Variants in FRAS1 observed in about 807,000 individuals in gnomAD.
The protein encoded by FRAS1 is Fraser extracellular matrix complex subunit 1.
In FRAS1, 290 loss-of-function variants were observed where a neutral mutation model predicts 435.2. The ratio of observed to expected loss-of-function variants is 0.67; its 90% CI spans 0.61 to 0.73. The LOEUF (loss-of-function observed/expected upper bound fraction) is 0.73, where lower values mean the gene tolerates loss of function less well. FRAS1 is among the 30% of genes least tolerant of loss of function. The pLI, the probability that FRAS1 is intolerant of heterozygous loss-of-function variation, is 0.00. For missense variants in FRAS1, 4,860 were observed against 5,001.5 expected (o/e 0.97, Z 0.85); for synonymous variants, 1,800 against 1,851.0 (o/e 0.97, Z 0.71).
At position 78,342,581 on chromosome 4, in the gene FRAS1, A is replaced by G. The variant is rs1016071194; in HGVS notation, c.2422+4764A>G. 2.0e-5 allele frequency among the ~76,000 whole-genome samples: 3 copies of G among 152,326 alleles called. No homozygotes were observed. The East Asian group carries it at 5.8e-4, about 29-fold the overall frequency. ...TTTTTTTTGCCCACATCTCAACAACATTAACAGAAAACTCCAAAGCCTGAG... is the reference window on the plus strand; with the variant it reads ...TTTTTTTTGCCCACATCTCAACAACGTTAACAGAAAACTCCAAAGCCTGAG... On this transcript the variant is annotated intron_variant, in intron 20 of 73. Transcript: ENST00000512123.
chr4:78,523,391 C>T (rs373869674), intron 69 of FRAS1, among the ~76,000 whole-genome samples: 145 of 152,144 alleles, frequency 9.5e-4, no homozygotes, highest in African/African-American at 3.3e-3. Context: ...GCCCATGTGT[C>T]GTTTACAAGA....
intron 11 of FRAS1, 49 bp from the exon 12 acceptor site, chr4:78,282,771 T>G (rs1727390620): frequency 6.2e-7 from 1 of 1,603,204 alleles, no homozygotes; most frequent in Admixed American, 1.7e-5. Flanking sequence ...AGCTCTCTTC[T>G]GAATTACTGC....
intron 47 of FRAS1, 80 bp downstream of exon 47, chr4:78,452,434 G>A: frequency 9.3e-7 from 1 of 1,075,016 alleles, no homozygotes; most frequent in Non-Finnish European, 1.3e-6. Context: ...CATGTATCAT[G>A]TATACCTAGA....
chr4:78,146,223 T>C (rs1226254911), intron 2 of FRAS1, among the ~76,000 whole-genome samples: 1 of 152,180 alleles, frequency 6.6e-6, no homozygotes, highest in Non-Finnish European at 1.5e-5. Flanking sequence ...AGCAGTCCCC[T>C]ATACAAGTTC....
intron 2 of FRAS1, among the ~76,000 whole-genome samples, chr4:78,139,540 C>A (rs974100029): frequency 5.9e-5 from 9 of 152,112 alleles, no homozygotes; most frequent in Non-Finnish European, 1.2e-4. Flanking sequence ...CCGGTTTACC[C>A]TTTTCTCTCT....
At chr4:78,321,327 C>T (rs760019150) in intron 18 of FRAS1, among the ~76,000 whole-genome samples, 1 of 152,102 alleles carries the variant, frequency 6.6e-6, no homozygotes, top group African/African-American at 2.4e-5. Flanking sequence ...AGTAGAATCC[C>T]GTGGGAATCT....
At position 78,432,483 on chromosome 4, in the gene FRAS1, T is replaced by G; in HGVS notation, c.5096T>G (p.Val1699Gly). ...TDGLTVTMLEVRVEVSLSEDR... is the reference protein window; with the variant it reads ...TDGLTVTMLEGRVEVSLSEDR... The stretch of plus-strand genomic sequence containing the variant: ...GGCCTCACAGTGACAATGCTGGAGG[T>G]GAGAGTAGAGGTGTCCCTGTCAGAA... Residue 1699 changes from valine (V) to glycine (G), a missense_variant, in exon 38 of 74, where the codon GTG becomes GGG. Transcript: ENST00000512123. The G allele has an allele frequency of 6.2e-7, 1 of 1,613,096 alleles. No homozygotes were observed. Among genetic ancestry groups the G allele is most frequent in the Admixed American group, 1.7e-5 (1 of 59,896 alleles).
intron 4 of FRAS1, among the ~76,000 whole-genome samples, 200 bp downstream of exon 4, chr4:78,245,525 A>G (rs1725198497): frequency 6.6e-6 from 1 of 152,156 alleles, no homozygotes. Flanking sequence ...AAATATTTGT[A>G]GATTGAATTT....
At position 78,265,010 on chromosome 4, in the gene FRAS1, G is replaced by T. The variant is rs752022961; in HGVS notation, c.604-15G>T. The T allele has an allele frequency of 5.3e-6, 8 of 1,518,652 alleles. No individual in the cohort carries two copies. The highest frequency in any genetic ancestry group is 7.3e-6 in the Non-Finnish European group (8 of 1,093,950). 94.1% of individuals were successfully genotyped at this position (1,518,652 alleles called of 1,614,324 possible). On this transcript the variant is annotated splice_polypyrimidine_tract_variant and intron_variant, in intron 6 of 73. Coordinates refer to ENST00000512123, the MANE Select transcript of FRAS1 (RefSeq NM_025074.7). ...TATCACTTTGTGATGGATTGTTCCT[G>T]TTCTGCGTGTTAAGGATGAGACTGT... is the stretch of plus-strand genomic sequence containing the variant.
chr4:78,337,517 G>T (rs1330519695), intron 19 of FRAS1, among the ~76,000 whole-genome samples, 157 bp from the exon 20 acceptor site: 4 of 152,180 alleles, frequency 2.6e-5, no homozygotes, highest in Non-Finnish European at 5.9e-5. Context: ...CAGTCTCTAG[G>T]TCAGGTCCAA....
chr4:78,112,263 A>G lies in FRAS1; in HGVS notation c.108+46247A>G, dbSNP rs564653556. On this transcript the variant is annotated intron_variant, in intron 2 of 73. Coordinates refer to ENST00000512123, the MANE Select transcript of FRAS1 (RefSeq NM_025074.7). ...GAAAAGTCATGTCAAAAGCTAGCTG[A>G]AAAAAATGAATAAATCAACAAATAC... Among the ~76,000 whole-genome samples the G allele has an allele frequency of 2.6e-5, 4 of 152,232 alleles. No homozygotes were observed. In the East Asian group the frequency reaches 7.7e-4, roughly 29 times the overall value.
At chr4:78,077,712 A>C (rs1419080523) in intron 2 of FRAS1, among the ~76,000 whole-genome samples, 1 of 152,182 alleles carries the variant, frequency 6.6e-6, no homozygotes, top group Admixed American at 6.5e-5. Flanking sequence ...TCTGTGTCTC[A>C]ATTGTTTCAC....
intron 2 of FRAS1, among the ~76,000 whole-genome samples, chr4:78,086,017 A>C (rs969408309): frequency 1.3e-5 from 2 of 152,182 alleles, no homozygotes; most frequent in Non-Finnish European, 2.9e-5. Context: ...TTGACCACAT[A>C]GTTGGAAGTA....
At chr4:78,305,520 G>A (rs1367830683) in intron 14 of FRAS1, among the ~76,000 whole-genome samples, 3 of 146,994 alleles carry the variant, frequency 2.0e-5, no homozygotes, top group Non-Finnish European at 3.0e-5. Context: ...GGTCGCTAAG[G>A]ACTTGCTTTA....
chr4:78,083,626 G>GT (rs35633131), intron 2 of FRAS1, among the ~76,000 whole-genome samples: 62,674 of 107,906 alleles, frequency 0.58, 19,751 homozygotes, highest in East Asian at 0.84. Context: ...TGCAAGTTCT[G>GT]TTTTTTTTTT....
At chr4:78,448,338 G>A (rs751021703) in intron 44 of FRAS1, 22 bp downstream of exon 44, 2 of 1,567,898 alleles carry the variant, frequency 1.3e-6, no homozygotes, top group Admixed American at 1.8e-5. Context: ...ATAAAGGAGA[G>A]TGGCCATGGT....
intron 69 of FRAS1, among the ~76,000 whole-genome samples, chr4:78,523,060 T>A (rs1281548692): frequency 6.6e-6 from 1 of 152,098 alleles, no homozygotes; most frequent in Non-Finnish European, 1.5e-5. Context: ...CACTCCAGCC[T>A]GGGCAACAGA....
At chr4:78,108,542 T>C (rs1742514014) in intron 2 of FRAS1, among the ~76,000 whole-genome samples, 1 of 101,864 alleles carries the variant, frequency 9.8e-6, no homozygotes, top group Non-Finnish European at 2.0e-5. Context: ...AGATGTTCTT[T>C]GAAACCAACG....
chr4:78,436,767 A>G (rs1734446014), intron 38 of FRAS1, among the ~76,000 whole-genome samples: 1 of 152,202 alleles, frequency 6.6e-6, no homozygotes, highest in Non-Finnish European at 1.5e-5. Context: ...AATGAAAAAT[A>G]TGTATTCTGT....
Sources: gnomAD v4.1 joint callset for allele counts (sites outside exome capture counted in the v4.1 genomes callset) on GRCh38, gnomAD v4.1.1 for gene constraint, MANE v1.5 for transcripts, NCBI Gene and HGNC (gene_info 2026-07-23, HGNC 2026-07-21) for gene names.